MAEA: variants seen among roughly 807,000 people sequenced by gnomAD.
MAEA encodes the protein macrophage erythroblast attacher, E3 ubiquitin ligase, also known as E3 ubiquitin-protein transferase MAEA.
In MAEA, 22 loss-of-function variants were observed where a neutral mutation model predicts 46.2. The observed-to-expected ratio is 0.48, with a 90% CI of 0.34 to 0.68. The LOEUF (loss-of-function observed/expected upper bound fraction) is 0.68. Ranked by LOEUF, MAEA falls within the 30% of genes least tolerant of loss-of-function variation. The probability of loss-of-function intolerance (pLI) is 0.01; values close to 1 mark genes in which losing one functional copy is unlikely to be tolerated. For synonymous variants in MAEA, 246 were observed against 222.6 expected, an observed-to-expected ratio of 1.11 and a Z score of -0.94; for missense variants, 393 against 558.1, an observed-to-expected ratio of 0.70 and a Z score of 2.98.
At chr4:1,298,868 AATT>A (rs35996294) in intron 1 of MAEA, among the ~76,000 whole-genome samples, 12,274 of 151,884 alleles carry the variant, frequency 0.081, 1,129 homozygotes, top group East Asian at 0.41. Context: ...TTGGCATTAA[AATT>A]ATTATTATTA....
intron 3 of MAEA, among the ~76,000 whole-genome samples, chr4:1,320,414 G>A (rs6148273): frequency 0.3 from 43,663 of 144,910 alleles, 9,052 homozygotes; most frequent in African/African-American, 0.58. Context: ...GGAAAACGCT[G>A]TGAAGGGGCT....
chr4:1,316,585 A>G (rs1052407781), intron 3 of MAEA, among the ~76,000 whole-genome samples: 6 of 151,142 alleles, frequency 4.0e-5, no homozygotes, highest in Admixed American at 6.6e-5. Context: ...CCTCCCTCCC[A>G]TGCTGCTCCC....
At position 1,311,228 on chromosome 4, in the gene MAEA, GGTGGTGTTTCCT is replaced by G. The variant is rs1244047810; in HGVS notation, c.70-749_70-738del. 5.3e-5 allele frequency among the ~76,000 whole-genome samples: 8 copies of G among 152,370 alleles called. No homozygotes were observed. The highest frequency in any genetic ancestry group is 1.4e-4 in the African/African-American group (6 of 41,592). On this transcript the variant is annotated intron_variant, in intron 1 of 8. Transcript: ENST00000303400. This position sits in a 1 kb window ranked among gnomAD's most constrained non-coding sequence, Gnocchi z 4.4. ...GGCCACCAGTGCAGCCAGGACCGCA[GGTGGTGTTTCCT>G]GCGGGAGCCCGGCCACGGAGGCCGG...
chr4:1,310,582 T>G (rs1387793771), intron 1 of MAEA, among the ~76,000 whole-genome samples: 1 of 152,208 alleles, frequency 6.6e-6, no homozygotes, highest in Non-Finnish European at 1.5e-5. Flanking sequence ...CCTGACTCAT[T>G]TGCTCACCAG....
chr4:1,322,354 G>C (rs777702271), intron 3 of MAEA, 27 bp from the exon 4 acceptor site: 1 of 1,612,494 alleles, frequency 6.2e-7, no homozygotes, highest in Non-Finnish European at 8.5e-7. Context: ...AGCACATTCT[G>C]ATCAGGTGCT....
intron 1 of MAEA, among the ~76,000 whole-genome samples, chr4:1,308,205 C>T (rs968447906): frequency 3.3e-5 from 5 of 151,844 alleles, no homozygotes; most frequent in African/African-American, 9.7e-5. Context: ...AGCTGTTCCA[C>T]GGTGGTGTTT....
At chr4:1,329,918 C>A in intron 5 of MAEA, 1 of 985,580 alleles carries the variant, frequency 1.0e-6, no homozygotes, top group African/African-American at 1.7e-5. Context: ...TCTGAACTCA[C>A]GGTCCACATG....
chr4:1,310,318 G>T (rs1736332006), intron 1 of MAEA, among the ~76,000 whole-genome samples: 1 of 152,188 alleles, frequency 6.6e-6, no homozygotes, highest in African/African-American at 2.4e-5. Context: ...TGTCTGCTGT[G>T]ACTTCCCATC....
intron 7 of MAEA, chr4:1,337,893 ACT>A (rs1713004396): frequency 5.9e-6 from 1 of 169,858 alleles, no homozygotes; most frequent in Non-Finnish European, 1.3e-5. Flanking sequence ...CCTGCAACTG[ACT>A]CTGTCCCCGC....
At chr4:1,319,329 G>C (rs1249221471) in intron 3 of MAEA, among the ~76,000 whole-genome samples, 1 of 151,444 alleles carries the variant, frequency 6.6e-6, no homozygotes, top group Non-Finnish European at 1.5e-5. Context: ...CTCCAGCCTG[G>C]GCAACAGGAC....
chr4:1,330,310 T>TTCTCTCTC (rs138157261), intron 5 of MAEA: 47,641 of 130,282 alleles, frequency 0.37, 9,845 homozygotes, highest in Non-Finnish European at 0.42. Context: ...TTCTGGGTGT[T>TTCTCTCTC]TCTCTCTCTC....
At chr4:1,334,688 G>A (rs575457529) in intron 6 of MAEA, among the ~76,000 whole-genome samples, 2 of 152,344 alleles carry the variant, frequency 1.3e-5, no homozygotes, top group South Asian at 4.1e-4. Flanking sequence ...GATTCAGGGG[G>A]CACAACCGTG....
chr4:1,300,327 T>C (rs984728172), intron 1 of MAEA, among the ~76,000 whole-genome samples: 2 of 152,242 alleles, frequency 1.3e-5, no homozygotes, highest in Admixed American at 6.5e-5. Context: ...ATATTTCTTA[T>C]TTATAATGAA....
intron 4 of MAEA, chr4:1,323,703 T>C (rs1442469233): frequency 1.5e-6 from 1 of 679,962 alleles, no homozygotes; most frequent in Non-Finnish European, 2.7e-6. Context: ...GCCAGGGCTG[T>C]TTCCTGTGGA....
In MAEA at chr4:1,339,485, T is replaced by C; in HGVS notation, c.*316T>C. 2 of 357,964 alleles carry C rather than the reference T, an allele frequency of 5.6e-6. No homozygotes were observed. The highest frequency in any genetic ancestry group is 6.2e-5 in the East Asian group (1 of 16,170). The allele number at this position is 357,964 out of a possible 1,614,324, so 22.2% of individuals were successfully genotyped here. A position where few individuals can be genotyped will look rare whatever the true frequency, so the allele number is the denominator to read the frequency against. Reference sequence around the variant, plus strand: ...GGGAAACTTAAGAACGTTTAAAATATAGGAGTCCGTGATTTCCCTGTGTTT... The same window carrying C: ...GGGAAACTTAAGAACGTTTAAAATACAGGAGTCCGTGATTTCCCTGTGTTT... On this transcript the variant is annotated 3_prime_UTR_variant, in exon 9 of 9. Transcript: ENST00000303400.
intron 6 of MAEA, among the ~76,000 whole-genome samples, chr4:1,333,092 T>C (rs1252324805): frequency 1.3e-5 from 2 of 152,108 alleles, no homozygotes; most frequent in African/African-American, 4.8e-5. Context: ...TCCCAGCACT[T>C]TGGGAGGCTG....
intron 1 of MAEA, among the ~76,000 whole-genome samples, chr4:1,310,242 G>C (rs2878541): frequency 1.3e-5 from 2 of 152,238 alleles, no homozygotes; most frequent in Admixed American, 1.3e-4. Context: ...CCTCGGGGGG[G>C]CCTTCCCCAG....
chr4:1,289,995 G>A lies in MAEA; in HGVS notation c.69+13G>A, dbSNP rs751969991. 122 of 1,578,614 alleles carry A rather than the reference G, an allele frequency of 7.7e-5. No homozygotes were observed. Among genetic ancestry groups the A allele is most frequent in the Admixed American group, 1.9e-4 (11 of 57,442 alleles). On this transcript the variant is annotated intron_variant, in intron 1 of 8. Transcript: ENST00000303400. ...CCCGACCCTCAAGGTGGGCGCCTGC[G>A]CCGCGCAGGCTGAGGGCAGCGAAGG...
At chr4:1,335,560 A>G (rs34180507) in intron 6 of MAEA, 33,267 of 547,250 alleles carry the variant, frequency 0.061, 6,388 homozygotes, top group Admixed American at 0.26. Flanking sequence ...CTGGCCCCAC[A>G]GTGTGTTGAA....
Sources: gnomAD v4.1 joint callset for allele counts (sites outside exome capture counted in the v4.1 genomes callset) on GRCh38, gnomAD v4.1.1 for gene constraint, Gnocchi (gnomAD v3.1) non-coding constraint, MANE v1.5 for transcripts, NCBI Gene and HGNC (gene_info 2026-07-23, HGNC 2026-07-21) for gene names.